PRKG1: variants seen among roughly 807,000 people sequenced by gnomAD.
The protein encoded by PRKG1 is protein kinase cGMP-dependent 1.
In PRKG1, 35 loss-of-function variants were observed where a neutral mutation model predicts 88.1. The observed-to-expected ratio is 0.40, with a 90% confidence interval of 0.30 to 0.53. The LOEUF (loss-of-function observed/expected upper bound fraction) is 0.53. Among genes scored for constraint, PRKG1 ranks in the 20% least tolerant of loss-of-function variants. PRKG1 has a pLI of 0.59. For missense variants in PRKG1, 540 were observed against 839.8 expected (o/e 0.64, Z 4.41); for synonymous variants, 303 against 292.5 (o/e 1.04, Z -0.37).
chr10:51,260,638 C>T (rs1177069299), intron 2 of PRKG1, among the ~76,000 whole-genome samples: 1 of 152,120 alleles, frequency 6.6e-6, no homozygotes, highest in Non-Finnish European at 1.5e-5. Context: ...TCCATCTCTG[C>T]AGGGAGTGCT....
intron 9 of PRKG1, among the ~76,000 whole-genome samples, chr10:52,165,675 T>C (rs1386199107): frequency 1.3e-5 from 2 of 152,194 alleles, no homozygotes; most frequent in African/African-American, 2.4e-5. Flanking sequence ...TAGTTATCCA[T>C]GGGAAATGGA....
intron 5 of PRKG1, among the ~76,000 whole-genome samples, chr10:51,997,461 C>T (rs1844477657): frequency 7.3e-6 from 1 of 137,680 alleles, no homozygotes; most frequent in Admixed American, 7.1e-5. Context: ...GAGAGTGAGA[C>T]TCTGTCTCAA....
chr10:51,435,760 C>T (rs772294152), intron 2 of PRKG1, among the ~76,000 whole-genome samples: 2 of 151,908 alleles, frequency 1.3e-5, no homozygotes, highest in South Asian at 4.2e-4. Flanking sequence ...GAATTCCAGG[C>T]ACATCAACAG....
At chr10:51,607,220 A>G (rs994994070) in intron 3 of PRKG1, among the ~76,000 whole-genome samples, 31 of 152,348 alleles carry the variant, frequency 2.0e-4, no homozygotes, top group African/African-American at 7.5e-4. Flanking sequence ...TACTTAAACA[A>G]CTTTTCTTTA....
At chr10:52,001,372 A>T (rs1444378417) in intron 5 of PRKG1, among the ~76,000 whole-genome samples, 2 of 151,970 alleles carry the variant, frequency 1.3e-5, no homozygotes, top group African/African-American at 4.8e-5. Flanking sequence ...CATAAAAAAA[A>T]AAAACATAAC....
At chr10:52,186,642 C>A (rs367563031) in intron 9 of PRKG1, among the ~76,000 whole-genome samples, 42 of 151,972 alleles carry the variant, frequency 2.8e-4, no homozygotes, top group African/African-American at 9.2e-4. Flanking sequence ...CTGGCCTCTA[C>A]CTACTAGATA....
chr10:51,490,113 A>G (rs1196985855), intron 3 of PRKG1, among the ~76,000 whole-genome samples: 2 of 152,262 alleles, frequency 1.3e-5, no homozygotes, highest in Admixed American at 6.5e-5. Flanking sequence ...ACACAATTAT[A>G]TCAGAGTATT....
At chr10:51,232,732 G>T (rs1189871550) in intron 2 of PRKG1, among the ~76,000 whole-genome samples, 3 of 152,044 alleles carry the variant, frequency 2.0e-5, no homozygotes, top group Admixed American at 6.6e-5. Context: ...GTTTAAAATT[G>T]AGTGCAAATT....
chr10:51,873,773 C>T (rs528337534), intron 4 of PRKG1, among the ~76,000 whole-genome samples: 5 of 152,282 alleles, frequency 3.3e-5, no homozygotes, highest in African/African-American at 1.2e-4. Context: ...AAGTGATCCA[C>T]TCGCCTCGGC....
chr10:51,301,262 G>A (rs1840877865), intron 2 of PRKG1, among the ~76,000 whole-genome samples: 1 of 152,006 alleles, frequency 6.6e-6, no homozygotes, highest in Admixed American at 6.6e-5. Flanking sequence ...TTGGCTGAAG[G>A]GTATTTTTAA....
At chr10:52,164,284 G>A (rs1455413498) in intron 9 of PRKG1, among the ~76,000 whole-genome samples, 1 of 152,028 alleles carries the variant, frequency 6.6e-6, no homozygotes, top group Non-Finnish European at 1.5e-5. Flanking sequence ...CTGGGAGGTG[G>A]AGGTTGCCGT....
chr10:51,488,811 C>T (rs899163439), intron 3 of PRKG1, among the ~76,000 whole-genome samples: 1 of 152,150 alleles, frequency 6.6e-6, no homozygotes, highest in Non-Finnish European at 1.5e-5. Flanking sequence ...CACCTCTTCT[C>T]TTGTTATCCC....
intron 3 of PRKG1, among the ~76,000 whole-genome samples, chr10:51,794,009 C>G (rs1292561441): frequency 6.6e-6 from 1 of 152,024 alleles, no homozygotes; most frequent in African/African-American, 2.4e-5. Flanking sequence ...GTTGATCTGC[C>G]CAGCTCAGTC....
At chr10:52,162,765 A>C (rs1838311253) in intron 9 of PRKG1, among the ~76,000 whole-genome samples, 1 of 152,172 alleles carries the variant, frequency 6.6e-6, no homozygotes, top group African/African-American at 2.4e-5. Flanking sequence ...CTAGAACTAA[A>C]ATATTAAGAA....
chr10:52,161,832 G>C, intron 8 of PRKG1, 57 bp from the exon 9 acceptor site: 1 of 1,441,460 alleles, frequency 6.9e-7, no homozygotes, highest in Non-Finnish European at 9.7e-7. Flanking sequence ...CACTGACTAG[G>C]TTGCCATTGC....
intron 1 of PRKG1, among the ~76,000 whole-genome samples, chr10:51,093,801 T>TACACAC (rs57772981): frequency 0.013 from 1,623 of 127,626 alleles, 41 homozygotes; most frequent in African/African-American, 0.045. Context: ...TATATATATA[T>TACACAC]ACACACACAC....
intron 3 of PRKG1, among the ~76,000 whole-genome samples, chr10:51,718,933 G>C (rs1841949684): frequency 6.6e-6 from 1 of 151,944 alleles, no homozygotes; most frequent in Non-Finnish European, 1.5e-5. Flanking sequence ...AATGGCCTGA[G>C]GCCAGAAGTT....
intron 9 of PRKG1, among the ~76,000 whole-genome samples, chr10:52,243,502 T>A (rs1232202716): frequency 6.6e-6 from 1 of 152,156 alleles, no homozygotes; most frequent in Non-Finnish European, 1.5e-5. Flanking sequence ...TGTGTTGGCA[T>A]TTTAAGATTT....
At chr10:51,226,463 T>G (rs1485585388) in intron 2 of PRKG1, among the ~76,000 whole-genome samples, 2 of 152,156 alleles carry the variant, frequency 1.3e-5, no homozygotes, top group Admixed American at 1.3e-4. Flanking sequence ...TCTTTATCAA[T>G]GAGTATGAGG....
Sources: gnomAD v4.1 joint callset for allele counts (sites outside exome capture counted in the v4.1 genomes callset) on GRCh38, gnomAD v4.1.1 for gene constraint, MANE v1.5 for transcripts, NCBI Gene and HGNC (gene_info 2026-07-23, HGNC 2026-07-21) for gene names.